TWSG1: variants seen among roughly 807,000 people sequenced by gnomAD.
TWSG1 encodes twisted gastrulation BMP signaling modulator 1.
TWSG1 carries 15 observed loss-of-function variants against 23.0 expected under a neutral mutation model. That is an observed-to-expected ratio of 0.65 (90% CI 0.44 to 1.00). The LOEUF (loss-of-function observed/expected upper bound fraction) is 1.00. Ranked by LOEUF, TWSG1 falls within the 50% of genes least tolerant of loss-of-function variation. TWSG1 has a pLI of 0.00. For missense variants in TWSG1, 242 were observed against 278.7 expected (o/e 0.87, Z 0.94); for synonymous variants, 86 against 92.8 (o/e 0.93, Z 0.42).
intron 4 of TWSG1, among the ~76,000 whole-genome samples, chr18:9,398,976 C>T (rs989493301): frequency 6.6e-5 from 10 of 151,880 alleles, no homozygotes; most frequent in Non-Finnish European, 5.9e-5. Context: ...CCACTGCACT[C>T]CAGCCTGGGT....
chr18:9,343,258 A>ATATATATATATC (rs2040455665), intron 2 of TWSG1, among the ~76,000 whole-genome samples: 1 of 134,920 alleles, frequency 7.4e-6, no homozygotes, highest in African/African-American at 2.8e-5. Context: ...ATATATATAT[A>ATATATATATATC]TATCTTGTCC....
intron 2 of TWSG1, among the ~76,000 whole-genome samples, chr18:9,352,803 G>C (rs1267295748): frequency 1.3e-5 from 2 of 151,952 alleles, no homozygotes; most frequent in Non-Finnish European, 2.9e-5. Context: ...TAGAAATTTG[G>C]GAGTTCATAC....
chr18:9,343,647 A>G (rs2040458197), intron 2 of TWSG1, among the ~76,000 whole-genome samples: 1 of 152,150 alleles, frequency 6.6e-6, no homozygotes, highest in South Asian at 2.1e-4. Context: ...TGGACATTTA[A>G]TATGAATGGA....
intron 3 of TWSG1, among the ~76,000 whole-genome samples, chr18:9,371,437 C>T (rs2040604820): frequency 6.6e-6 from 1 of 151,950 alleles, no homozygotes; most frequent in African/African-American, 2.4e-5. Context: ...GCTAGGACTA[C>T]AGGCACGTGC....
intron 2 of TWSG1, among the ~76,000 whole-genome samples, chr18:9,354,449 C>T (rs1337270801): frequency 1.3e-5 from 2 of 152,096 alleles, no homozygotes; most frequent in Non-Finnish European, 2.9e-5. Flanking sequence ...CAAATTTAGT[C>T]ATAGTGAGGT....
rs1035215582 is a variant in TWSG1 at position 9,338,262 on chromosome 18, G to A, written c.123+910G>A. Among the ~76,000 whole-genome samples the A allele has an allele frequency of 2.0e-5, 3 of 152,272 alleles. No homozygotes were observed. The South Asian group carries it at 6.2e-4, about 32-fold the overall frequency. On this transcript the variant is annotated intron_variant, in intron 2 of 4. Transcript: ENST00000262120. ...TTTTGGTCCTTCTCGCTAATAGTTG[G>A]AATTCTACTTGCCCCCATTTCGTAC...
intron 3 of TWSG1, among the ~76,000 whole-genome samples, chr18:9,376,366 A>T (rs2040630484): frequency 6.6e-6 from 1 of 152,246 alleles, no homozygotes; most frequent in African/African-American, 2.4e-5. Flanking sequence ...TGGAGGACTG[A>T]TACTACTGGA....
chr18:9,348,003 T>C (rs1477194352), intron 2 of TWSG1, among the ~76,000 whole-genome samples: 16 of 152,202 alleles, frequency 1.1e-4, no homozygotes, highest in Admixed American at 1.0e-3. Flanking sequence ...AATGTATACA[T>C]TTCTTTGGTT....
intron 3 of TWSG1, among the ~76,000 whole-genome samples, chr18:9,379,471 G>A (rs1281443837): frequency 2.0e-5 from 3 of 152,060 alleles, no homozygotes; most frequent in Non-Finnish European, 2.9e-5. Context: ...ATGAGAACAC[G>A]TGGACAGAAG....
chr18:9,383,205 T>G (rs1350138741), intron 3 of TWSG1, among the ~76,000 whole-genome samples: 9 of 149,258 alleles, frequency 6.0e-5, no homozygotes, highest in Admixed American at 2.0e-4. Context: ...TTTTTTTTTT[T>G]TTTTTTTGAG....
chr18:9,396,169 A>T (rs924631416), intron 3 of TWSG1, 111 bp from the exon 4 acceptor site: 14 of 701,150 alleles, frequency 2.0e-5, no homozygotes, highest in Non-Finnish European at 3.1e-5. Context: ...AAAAAAAAAA[A>T]GGTAGGAAAA....
At chr18:9,373,624 C>G (rs1605473) in intron 3 of TWSG1, among the ~76,000 whole-genome samples, 72,230 of 152,032 alleles carry the variant, frequency 0.48, 18,163 homozygotes, top group East Asian at 0.71. Context: ...AAGACTTCAA[C>G]CCCCCTCAAC....
At chr18:9,397,247 T>TC (rs2040741763) in intron 4 of TWSG1, among the ~76,000 whole-genome samples, 1 of 152,218 alleles carries the variant, frequency 6.6e-6, no homozygotes, top group Non-Finnish European at 1.5e-5. Flanking sequence ...TTGCTCATTG[T>TC]CAGGTGACAT....
chr18:9,389,378 C>T (rs990527441), intron 3 of TWSG1, among the ~76,000 whole-genome samples: 7 of 152,036 alleles, frequency 4.6e-5, no homozygotes, highest in South Asian at 2.1e-4. Flanking sequence ...TTAAAGATTA[C>T]GTATAGATAT....
chr18:9,362,654 G>A (rs1353405157), intron 3 of TWSG1, among the ~76,000 whole-genome samples: 1 of 152,206 alleles, frequency 6.6e-6, no homozygotes, highest in African/African-American at 2.4e-5. Context: ...TTATATATGT[G>A]TGTGTCTTAA....
In TWSG1 at chr18:9,359,542, A is replaced by G. The variant is rs112139246; in HGVS notation, c.124-430A>G. Among the ~76,000 whole-genome samples, 192 of 152,296 alleles carry G rather than the reference A, an allele frequency of 1.3e-3. 2 individuals carry two copies. The highest frequency in any genetic ancestry group is 4.5e-3 in the African/African-American group (187 of 41,548). On this transcript the variant is annotated intron_variant, in intron 2 of 4. Transcript: ENST00000262120. ...TACCAAGCACACTTTTTTCTGTATC[A>G]TGGAACAATAAAAATAGAATTTCCA...
intron 3 of TWSG1, among the ~76,000 whole-genome samples, chr18:9,386,906 C>T (rs1352519330): frequency 1.3e-5 from 2 of 152,184 alleles, no homozygotes; most frequent in Admixed American, 6.5e-5. Flanking sequence ...GTCAAATTAT[C>T]AGGAATGTGA....
At chr18:9,350,338 T>C (rs1428755368) in intron 2 of TWSG1, among the ~76,000 whole-genome samples, 6 of 152,212 alleles carry the variant, frequency 3.9e-5, no homozygotes, top group Admixed American at 3.3e-4. Flanking sequence ...TTAAAATTTA[T>C]TTTCACTAGT....
At chr18:9,386,134 T>A (rs9675672) in intron 3 of TWSG1, among the ~76,000 whole-genome samples, 149,502 of 151,460 alleles carry the variant, frequency 0.99, 73,826 homozygotes, top group Middle Eastern at 1. Flanking sequence ...GTGCCACTGA[T>A]GCCTGAGCAA....
Sources: allele counts gnomAD v4.1 joint callset (sites outside exome capture counted in the v4.1 genomes callset), GRCh38; gene constraint gnomAD v4.1.1; transcripts MANE v1.5; gene names NCBI Gene and HGNC (gene_info 2026-07-23, HGNC 2026-07-21).